Variants in RAPGEF6 observed in about 807,000 individuals in gnomAD.
The protein encoded by RAPGEF6 is Rap guanine nucleotide exchange factor 6, also known as PDZ domain containing guanine nucleotide exchange factor (GEF) 2.
In RAPGEF6, 56 loss-of-function variants were observed where a neutral mutation model predicts 171.4. The ratio of observed to expected loss-of-function variants is 0.33; its 90% CI spans 0.26 to 0.41. The LOEUF (loss-of-function observed/expected upper bound fraction) is 0.41. RAPGEF6 is among the 10% of genes least tolerant of loss of function. RAPGEF6 has a pLI of 1.00. For synonymous variants in RAPGEF6, 692 were observed against 650.1 expected (o/e 1.06, Z -0.98); for missense variants, 1,674 against 1,921.4 (o/e 0.87, Z 2.41).
chr5:131,550,976 T>C (rs953723833), intron 5 of RAPGEF6, among the ~76,000 whole-genome samples: 2 of 152,208 alleles, frequency 1.3e-5, no homozygotes, highest in Non-Finnish European at 2.9e-5. Context: ...GCAGGAACCG[T>C]ATTATGTAAT....
chr5:131,519,558 C>T (rs576659435), intron 7 of RAPGEF6, among the ~76,000 whole-genome samples: 45 of 152,224 alleles, frequency 3.0e-4, no homozygotes, highest in African/African-American at 8.7e-4. Flanking sequence ...TGTGCCACCA[C>T]GCCCAGCTAA....
intron 1 of RAPGEF6, among the ~76,000 whole-genome samples, chr5:131,609,897 A>AC (rs999070236): frequency 4.6e-5 from 7 of 152,146 alleles, no homozygotes; most frequent in African/African-American, 1.4e-4. Context: ...AATCCCACAT[A>AC]CCAGAGTCCA....
intron 6 of RAPGEF6, among the ~76,000 whole-genome samples, chr5:131,526,270 G>C (rs547666576): frequency 2.0e-5 from 3 of 152,272 alleles, no homozygotes; most frequent in African/African-American, 7.2e-5. Flanking sequence ...ATGAACATTT[G>C]AGTGCCCACC....
intron 6 of RAPGEF6, among the ~76,000 whole-genome samples, chr5:131,535,184 G>A (rs917998734): frequency 3.3e-5 from 5 of 151,904 alleles, no homozygotes; most frequent in Admixed American, 1.3e-4. Context: ...TAGTATCTTC[G>A]ATTCCAGGGA....
chr5:131,470,966 C>G (rs1340524983), intron 17 of RAPGEF6, among the ~76,000 whole-genome samples: 3 of 152,216 alleles, frequency 2.0e-5, no homozygotes, highest in Non-Finnish European at 4.4e-5. Context: ...AGCAACACTT[C>G]TTCTTCACCC....
chr5:131,473,294 TAC>T (rs1561491941), intron 16 of RAPGEF6, among the ~76,000 whole-genome samples: 1 of 152,214 alleles, frequency 6.6e-6, no homozygotes, highest in Admixed American at 6.5e-5. Context: ...TTATGAAAAT[TAC>T]AGTCTCTAAA....
chr5:131,549,577 G>A (rs1250639727), intron 5 of RAPGEF6, among the ~76,000 whole-genome samples: 2 of 152,116 alleles, frequency 1.3e-5, no homozygotes, highest in Non-Finnish European at 2.9e-5. Flanking sequence ...GGGGCGCAGT[G>A]GCGAGTGCCT....
chr5:131,596,371 T>C (rs35560758), intron 3 of RAPGEF6, among the ~76,000 whole-genome samples: 1 of 149,424 alleles, frequency 6.7e-6, no homozygotes, highest in Non-Finnish European at 1.5e-5. Context: ...TATATATTTG[T>C]GTCTCATATA....
At chr5:131,544,296 C>T (rs932339559) in intron 6 of RAPGEF6, among the ~76,000 whole-genome samples, 8 of 152,120 alleles carry the variant, frequency 5.3e-5, no homozygotes, top group Admixed American at 2.0e-4. Flanking sequence ...CTGGAACAAT[C>T]CAAATATTCA....
At chr5:131,605,404 G>A (rs1764494775) in intron 1 of RAPGEF6, among the ~76,000 whole-genome samples, 1 of 152,198 alleles carries the variant, frequency 6.6e-6, no homozygotes, top group South Asian at 2.1e-4. Context: ...GCTACGAGCT[G>A]ATGGGTGCAG....
intron 6 of RAPGEF6, among the ~76,000 whole-genome samples, chr5:131,521,913 ACACT>A (rs1758521668): frequency 6.6e-6 from 1 of 150,646 alleles, no homozygotes; most frequent in Non-Finnish European, 1.5e-5. Context: ...TCTCACACAC[ACACT>A]CACTCTCCCT....
At chr5:131,469,841 A>G (rs1246626992) in intron 17 of RAPGEF6, 2 of 1,517,456 alleles carry the variant, frequency 1.3e-6, no homozygotes, top group Non-Finnish European at 1.8e-6. Context: ...ATAAAGCAAA[A>G]TCAAAGTAAG....
At chr5:131,511,091 T>C (rs1461280341) in intron 7 of RAPGEF6, among the ~76,000 whole-genome samples, 1 of 152,232 alleles carries the variant, frequency 6.6e-6, no homozygotes, top group Non-Finnish European at 1.5e-5. Context: ...CAAAGAGCTG[T>C]GATTTTTGAA....
intron 6 of RAPGEF6, among the ~76,000 whole-genome samples, chr5:131,530,337 A>C (rs888072000): frequency 3.9e-5 from 6 of 152,140 alleles, no homozygotes; most frequent in Non-Finnish European, 8.8e-5. Flanking sequence ...CAATTATCTT[A>C]AGAGTAAATA....
intron 6 of RAPGEF6, among the ~76,000 whole-genome samples, chr5:131,535,215 T>C (rs1759685049): frequency 1.3e-5 from 2 of 152,156 alleles, no homozygotes; most frequent in South Asian, 4.1e-4. Context: ...GAACCTATCA[T>C]GCTAAATCTC....
At chr5:131,545,263 C>T (rs1760442895) in intron 6 of RAPGEF6, among the ~76,000 whole-genome samples, 1 of 151,904 alleles carries the variant, frequency 6.6e-6, no homozygotes, top group Non-Finnish European at 1.5e-5. Flanking sequence ...TAAAAAATAA[C>T]TAAAATACAG....
At position 131,635,205 on chromosome 5, in the gene RAPGEF6, C is replaced by A; in HGVS notation, c.-175G>T. 1.6e-6 allele frequency: 1 copy of A among 623,496 alleles called. No homozygotes were observed. Among genetic ancestry groups the A allele is most frequent in the Non-Finnish European group, 2.7e-6 (1 of 375,836 alleles). The allele number at this position is 623,496 out of a possible 1,614,324, so 38.6% of individuals were successfully genotyped here. ...AACGCCCGCCTAAGGCCTCTACCCA[C>A]GCGCGACTGGCCGGAGACAAGTCTG... On this transcript the variant is annotated 5_prime_UTR_variant, in exon 1 of 28. Coordinates refer to ENST00000509018, the MANE Select transcript of RAPGEF6 (RefSeq NM_016340.6).
chr5:131,608,659 C>T (rs764393198), intron 1 of RAPGEF6, among the ~76,000 whole-genome samples: 3 of 152,146 alleles, frequency 2.0e-5, no homozygotes, highest in Admixed American at 6.5e-5. Flanking sequence ...TTGGGTCATG[C>T]GGGTGGATCC....
intron 12 of RAPGEF6, among the ~76,000 whole-genome samples, chr5:131,496,559 TTCTG>T (rs934981401): frequency 2.0e-5 from 3 of 152,182 alleles, no homozygotes; most frequent in African/African-American, 7.2e-5. Flanking sequence ...TAGTCTGCTT[TTCTG>T]TCTATTTGTC....
Sources: gnomAD v4.1 joint callset for allele counts (sites outside exome capture counted in the v4.1 genomes callset) on GRCh38, gnomAD v4.1.1 for gene constraint, MANE v1.5 for transcripts, NCBI Gene and HGNC (gene_info 2026-07-23, HGNC 2026-07-21) for gene names.